The following SKAP2 variants were observed in gnomAD, a reference collection of about 807,000 sequenced individuals.
SKAP2 encodes the protein src kinase associated phosphoprotein 2, also known as src kinase-associated phosphoprotein 2.
Under a neutral mutation model 54.9 loss-of-function variants are expected in SKAP2, and 28 were observed. That is an observed-to-expected ratio of 0.51 (90% confidence interval 0.38 to 0.70). The LOEUF (loss-of-function observed/expected upper bound fraction) is 0.70, where lower values mean the gene tolerates loss of function less well. Among genes scored for constraint, SKAP2 ranks in the 30% least tolerant of loss-of-function variants. The pLI is 0.00. For missense variants in SKAP2, 356 were observed against 424.1 expected (o/e 0.84, Z 1.41); for synonymous variants, 137 against 134.3 (o/e 1.02, Z -0.14).
At chr7:26,722,929 C>T (rs905908178) in intron 9 of SKAP2, among the ~76,000 whole-genome samples, 8 of 152,146 alleles carry the variant, frequency 5.3e-5, no homozygotes, top group Admixed American at 3.3e-4. Flanking sequence ...TTCAACAATG[C>T]ATAATTGACA....
At chr7:26,856,534 A>C (rs2127999022) in intron 1 of SKAP2, among the ~76,000 whole-genome samples, 1 of 152,362 alleles carries the variant, frequency 6.6e-6, no homozygotes, top group South Asian at 2.1e-4. Flanking sequence ...GTGAATTCAA[A>C]ATAACAAAAC....
At chr7:26,810,112 G>A (rs2127987624) in intron 4 of SKAP2, among the ~76,000 whole-genome samples, 1 of 152,180 alleles carries the variant, frequency 6.6e-6, no homozygotes, top group South Asian at 2.1e-4. Context: ...GAAGCAGGAG[G>A]ATCACTTGAG....
At position 26,686,496 on chromosome 7, in the gene SKAP2, A is replaced by T. The variant is rs539828892; in HGVS notation, c.875-1648T>A. ...CTAACAATGCTTGTGGCCACTCTTC[A>T]TTACATTTTTTTCCCCAAAGCATAT... is the stretch of plus-strand genomic sequence containing the variant. On this transcript the variant is annotated intron_variant, in intron 10 of 12. Coordinates refer to ENST00000345317, the MANE Select transcript of SKAP2 (RefSeq NM_003930.5). 4.1e-4 allele frequency among the ~76,000 whole-genome samples: 62 copies of T among 152,256 alleles called. No homozygotes were observed. The South Asian group carries it at 5.8e-3, about 14-fold the overall frequency.
chr7:26,713,893 C>A (rs1172154824), intron 9 of SKAP2, among the ~76,000 whole-genome samples: 1 of 152,096 alleles, frequency 6.6e-6, no homozygotes, highest in Admixed American at 6.5e-5. Context: ...GCCATCGCGC[C>A]CGACCTAAGA....
At position 26,828,188 on chromosome 7, in the gene SKAP2, ATAACT is replaced by A. The variant is rs571962827; in HGVS notation, c.307+15837_307+15841del. Among the ~76,000 whole-genome samples the A allele has an allele frequency of 1.7e-3, 254 of 152,330 alleles. 1 individual carries two copies. Among genetic ancestry groups the A allele is most frequent in the African/African-American group, 5.5e-3 (227 of 41,574 alleles). Reference sequence around the variant, plus strand: ...TCTATTAGACTATGTGTTCTCTGAAATAACTTAAGGAAAACTGATATGAAAGAAGA... The same window carrying A: ...TCTATTAGACTATGTGTTCTCTGAAATAAGGAAAACTGATATGAAAGAAGA... On this transcript the variant is annotated intron_variant, in intron 4 of 12. Transcript: ENST00000345317.
intron 1 of SKAP2, among the ~76,000 whole-genome samples, chr7:26,863,807 G>T (rs1162108250): frequency 6.6e-6 from 1 of 152,106 alleles, no homozygotes; most frequent in African/African-American, 2.4e-5. Context: ...TTCTTCAAAA[G>T]TCTTAAACGT....
chr7:26,746,891 T>C (rs190224607), intron 4 of SKAP2, among the ~76,000 whole-genome samples: 1 of 152,268 alleles, frequency 6.6e-6, no homozygotes, highest in Admixed American at 6.5e-5. Flanking sequence ...ACATCTAGCA[T>C]AGAACTATTT....
chr7:26,819,269 C>A (rs1046288696), intron 4 of SKAP2, among the ~76,000 whole-genome samples: 22 of 152,066 alleles, frequency 1.4e-4, no homozygotes, highest in African/African-American at 5.3e-4. Context: ...ATGTCCTTTG[C>A]ACGGACATGG....
At chr7:26,773,326 G>GA (rs1211995786) in intron 4 of SKAP2, among the ~76,000 whole-genome samples, 3 of 152,288 alleles carry the variant, frequency 2.0e-5, no homozygotes, top group African/African-American at 7.2e-5. Context: ...CTGGTTATCG[G>GA]AATTGAGATT....
intron 1 of SKAP2, among the ~76,000 whole-genome samples, chr7:26,861,337 G>A (rs1250532406): frequency 6.6e-6 from 1 of 152,036 alleles, no homozygotes; most frequent in African/African-American, 2.4e-5. Flanking sequence ...ATTGTCCTTT[G>A]ATTTCAATTA....
chr7:26,848,846 A>C (rs1313108606), intron 3 of SKAP2, among the ~76,000 whole-genome samples: 1 of 152,210 alleles, frequency 6.6e-6, no homozygotes, highest in South Asian at 2.1e-4. Flanking sequence ...GATTCTCCTC[A>C]TAATTCTTCT....
At chr7:26,764,872 G>A (rs529389223) in intron 4 of SKAP2, among the ~76,000 whole-genome samples, 63 of 152,164 alleles carry the variant, frequency 4.1e-4, no homozygotes, top group Non-Finnish European at 8.1e-4. Context: ...TCTTTATCCA[G>A]TCTAACATTG....
chr7:26,750,483 G>T (rs1489237501), intron 4 of SKAP2, among the ~76,000 whole-genome samples: 1 of 151,588 alleles, frequency 6.6e-6, no homozygotes, highest in Admixed American at 6.6e-5. Flanking sequence ...ACTAATTTTT[G>T]TATCTGTAGT....
intron 4 of SKAP2, among the ~76,000 whole-genome samples, chr7:26,802,180 G>A (rs1364844580): frequency 1.3e-5 from 2 of 149,580 alleles, no homozygotes; most frequent in Non-Finnish European, 3.0e-5. Context: ...ACAGATTAAA[G>A]AACACAGAAG....
At chr7:26,817,327 A>G (rs552387001) in intron 4 of SKAP2, among the ~76,000 whole-genome samples, 7 of 152,226 alleles carry the variant, frequency 4.6e-5, no homozygotes, top group African/African-American at 1.7e-4. Context: ...ATCAGAACAG[A>G]AAGACAGGGG....
chr7:26,694,026 T>C (rs888460464), intron 9 of SKAP2, among the ~76,000 whole-genome samples: 5 of 152,146 alleles, frequency 3.3e-5, no homozygotes, highest in African/African-American at 1.2e-4. Context: ...AATAAAGCTC[T>C]TAAAAATATG....
At chr7:26,714,171 G>A (rs969841368) in intron 9 of SKAP2, among the ~76,000 whole-genome samples, 13 of 152,146 alleles carry the variant, frequency 8.5e-5, no homozygotes, top group Non-Finnish European at 1.8e-4. Flanking sequence ...AAGAATTTGT[G>A]TGCTTAAGAG....
At chr7:26,659,113 A>T in the SKAP2 span, among the ~76,000 whole-genome samples, 1 of 152,272 alleles carries the variant, frequency 6.6e-6, no homozygotes, top group Non-Finnish European at 1.5e-5. Flanking sequence ...CATAATCTTT[A>T]TTAAAGGAAA....
At chr7:26,759,015 C>T (rs1451886500) in intron 4 of SKAP2, among the ~76,000 whole-genome samples, 1 of 152,102 alleles carries the variant, frequency 6.6e-6, no homozygotes, top group Non-Finnish European at 1.5e-5. Context: ...GTTGATATTA[C>T]AAAAATAACA....
Sources: allele counts gnomAD v4.1 joint callset (sites outside exome capture counted in the v4.1 genomes callset), GRCh38; gene constraint gnomAD v4.1.1; transcripts MANE v1.5; gene names NCBI Gene and HGNC (gene_info 2026-07-23, HGNC 2026-07-21).